Variants in SLC16A10 observed in about 807,000 individuals in gnomAD.
The protein encoded by SLC16A10 is monocarboxylate transporter 10.
A neutral mutation model predicts 40.0 loss-of-function variants in SLC16A10; 27 were observed. That is an observed-to-expected ratio of 0.67 (90% CI 0.50 to 0.93). The LOEUF (loss-of-function observed/expected upper bound fraction) is 0.93, where lower values mean the gene tolerates loss of function less well. Ranked by LOEUF, SLC16A10 falls within the 40% of genes least tolerant of loss-of-function variation. The probability of loss-of-function intolerance (pLI) is 0.00; values close to 1 mark genes in which losing one functional copy is unlikely to be tolerated. For synonymous variants in SLC16A10, 213 were observed against 249.8 expected (o/e 0.85, Z 1.39); for missense variants, 529 against 658.2 (o/e 0.80, Z 2.15).
intron 1 of SLC16A10, among the ~76,000 whole-genome samples, chr6:111,102,701 A>G (rs1361065074): frequency 6.6e-6 from 1 of 152,100 alleles, no homozygotes; most frequent in East Asian, 1.9e-4. Context: ...GAAATAAACC[A>G]TGTAGAGACT....
intron 1 of SLC16A10, among the ~76,000 whole-genome samples, chr6:111,125,937 G>GA (rs1432983909): frequency 6.6e-6 from 1 of 152,088 alleles, no homozygotes; most frequent in Non-Finnish European, 1.5e-5. Context: ...GCTCTACACT[G>GA]AATTACAGTT....
intron 1 of SLC16A10, among the ~76,000 whole-genome samples, chr6:111,119,159 G>T (rs1418582191): frequency 2.0e-5 from 3 of 152,200 alleles, no homozygotes; most frequent in African/African-American, 7.2e-5. Context: ...ATCCTATTTG[G>T]AGGTAAACCG....
chr6:111,215,593 A>G (rs1562436028), intron 4 of SLC16A10, among the ~76,000 whole-genome samples: 1 of 152,232 alleles, frequency 6.6e-6, no homozygotes. Flanking sequence ...GTACCATCCT[A>G]AAGTTTTATT....
chr6:111,141,002 C>G lies in SLC16A10; in HGVS notation c.344-31693C>G, dbSNP rs1771972563. Reference sequence around the variant, plus strand: ...TAAGGGTCTCACTATGTTGCCTAGGCCAGTCTCGAATTCCAGGGGCTCAAG... The same window carrying G: ...TAAGGGTCTCACTATGTTGCCTAGGGCAGTCTCGAATTCCAGGGGCTCAAG... On this transcript the variant is annotated intron_variant, in intron 1 of 5. Coordinates refer to ENST00000368851, the MANE Select transcript of SLC16A10 (RefSeq NM_018593.5). Among the ~76,000 whole-genome samples the G allele has an allele frequency of 2.0e-5, 3 of 152,174 alleles. No homozygotes were observed. The South Asian group carries it at 6.2e-4, about 32-fold the overall frequency.
chr6:111,171,992 G>T (rs1289446786), intron 1 of SLC16A10, among the ~76,000 whole-genome samples: 1 of 152,030 alleles, frequency 6.6e-6, no homozygotes, highest in Non-Finnish European at 1.5e-5. Context: ...GAGCTTCAGG[G>T]TCATCTACCA....
chr6:111,168,978 A>G (rs1772532692), intron 1 of SLC16A10, among the ~76,000 whole-genome samples: 1 of 152,166 alleles, frequency 6.6e-6, no homozygotes, highest in Non-Finnish European at 1.5e-5. Flanking sequence ...CTCACTTGGT[A>G]TCGAGTGAGA....
chr6:111,156,846 A>AG (rs1416928130), intron 1 of SLC16A10, among the ~76,000 whole-genome samples: 1 of 152,250 alleles, frequency 6.6e-6, no homozygotes, highest in Non-Finnish European at 1.5e-5. Flanking sequence ...ACTGGATGTG[A>AG]GGTATATGGG....
chr6:111,139,559 A>G (rs892827424), intron 1 of SLC16A10, among the ~76,000 whole-genome samples: 1 of 152,136 alleles, frequency 6.6e-6, no homozygotes, highest in African/African-American at 2.4e-5. Flanking sequence ...CTCGGCCCCC[A>G]AAAGTGCTGG....
intron 5 of SLC16A10, 93 bp downstream of exon 5, chr6:111,219,135 C>A: frequency 8.8e-7 from 1 of 1,140,166 alleles, no homozygotes; most frequent in Non-Finnish European, 1.3e-6. Context: ...AAACATATTA[C>A]AGGTTATTGA....
intron 1 of SLC16A10, among the ~76,000 whole-genome samples, chr6:111,146,723 C>T (rs1038081332): frequency 2.7e-5 from 4 of 150,318 alleles, no homozygotes; most frequent in Admixed American, 6.7e-5. Flanking sequence ...GGCAACAGAG[C>T]GAGACTCCGT....
chr6:111,184,475 T>G (rs1017249940), intron 3 of SLC16A10, among the ~76,000 whole-genome samples: 1 of 151,680 alleles, frequency 6.6e-6, no homozygotes, highest in South Asian at 2.1e-4. Flanking sequence ...CCACTAGTAA[T>G]TGGAAATGAT....
intron 1 of SLC16A10, among the ~76,000 whole-genome samples, chr6:111,159,813 A>G (rs1298388145): frequency 2.0e-5 from 3 of 152,326 alleles, no homozygotes. Flanking sequence ...AACACTTGGT[A>G]TGATTAGTCA....
intron 3 of SLC16A10, among the ~76,000 whole-genome samples, chr6:111,198,889 A>G (rs888827185): frequency 2.0e-5 from 3 of 152,252 alleles, no homozygotes; most frequent in Admixed American, 2.0e-4. Flanking sequence ...ACATGGAAGT[A>G]CATGATACCT....
intron 1 of SLC16A10, among the ~76,000 whole-genome samples, chr6:111,126,819 C>A (rs529440404): frequency 4.3e-4 from 65 of 152,206 alleles, no homozygotes; most frequent in South Asian, 2.9e-3. Flanking sequence ...GACCAGAATA[C>A]TAGCTCTACC....
chr6:111,217,762 G>A (rs932632981), intron 4 of SLC16A10, among the ~76,000 whole-genome samples: 5 of 152,012 alleles, frequency 3.3e-5, no homozygotes, highest in African/African-American at 1.2e-4. Flanking sequence ...GAATGGTTCA[G>A]TTTTAACAGG....
Position 111,164,375 on chromosome 6 carries a change from A to C in SLC16A10, c.344-8320A>C, listed in dbSNP as rs1286362880. Among the ~76,000 whole-genome samples, 3 of 152,308 alleles carry C rather than the reference A, an allele frequency of 2.0e-5. No individual in the cohort carries two copies. The East Asian group carries it at 5.8e-4, about 29-fold the overall frequency. On this transcript the variant is annotated intron_variant, in intron 1 of 5. Coordinates refer to ENST00000368851, the MANE Select transcript of SLC16A10 (RefSeq NM_018593.5). Reference sequence around the variant, plus strand: ...TAAGTTATTTTAATTATGTGCTACCAATTATACCTTAAGTTGTAGCGACTC... The same window carrying C: ...TAAGTTATTTTAATTATGTGCTACCCATTATACCTTAAGTTGTAGCGACTC...
intron 1 of SLC16A10, among the ~76,000 whole-genome samples, chr6:111,147,120 C>T (rs1772094088): frequency 6.6e-6 from 1 of 152,112 alleles, no homozygotes; most frequent in African/African-American, 2.4e-5. Context: ...TCTGGAATTA[C>T]ATAATGATGA....
chr6:111,138,911 C>T (rs1583322756), intron 1 of SLC16A10, among the ~76,000 whole-genome samples: 1 of 152,112 alleles, frequency 6.6e-6, no homozygotes, highest in African/African-American at 2.4e-5. Flanking sequence ...TTACATAGCT[C>T]ACCTCACATC....
At chr6:111,142,135 G>A (rs1314826105) in intron 1 of SLC16A10, among the ~76,000 whole-genome samples, 3 of 152,198 alleles carry the variant, frequency 2.0e-5, no homozygotes, top group Non-Finnish European at 4.4e-5. Flanking sequence ...TAAAGCTACA[G>A]TAATCAGAAC....
Sources: allele counts gnomAD v4.1 joint callset (sites outside exome capture counted in the v4.1 genomes callset), GRCh38; gene constraint gnomAD v4.1.1; transcripts MANE v1.5; gene names NCBI Gene and HGNC (gene_info 2026-07-23, HGNC 2026-07-21).